Variants in SMC3 observed in about 807,000 individuals in gnomAD.
SMC3 encodes the protein structural maintenance of chromosomes 3.
Under a neutral mutation model 171.8 loss-of-function variants are expected in SMC3, and 20 were observed. The observed-to-expected ratio is 0.12, with a 90% CI of 0.08 to 0.17. SMC3 has a LOEUF of 0.17. Ranked by LOEUF, SMC3 falls within the 10% of genes least tolerant of loss-of-function variation. SMC3 has a pLI of 1.00. For synonymous variants in SMC3, 464 were observed against 451.1 expected (o/e 1.03, Z -0.36); for missense variants, 543 against 1,420.4 (o/e 0.38, Z 9.93).
At chr10:110,592,966 T>C (rs1861232296) in intron 17 of SMC3, 107 bp from the exon 18 acceptor site, 5 of 945,226 alleles carry the variant, frequency 5.3e-6, no homozygotes, top group African/African-American at 3.2e-5. Context: ...TTTTGAAATA[T>C]AATGGTGTTT....
chr10:110,588,944 AT>A (rs1861165396), intron 13 of SMC3, among the ~76,000 whole-genome samples: 2 of 151,884 alleles, frequency 1.3e-5, no homozygotes, highest in Non-Finnish European at 1.5e-5. Context: ...AGAACTTAGA[AT>A]TTTTTTTCTA....
Position 110,584,380 on chromosome 10 carries a change from A to G in SMC3, c.1289A>G (p.Asn430Ser), listed in dbSNP as rs991103223. The change falls in exon 13 of 29, where the codon AAT becomes AGT. Residue 430 changes from asparagine (N) to serine (S), a missense_variant. Coordinates refer to ENST00000361804, the MANE Select transcript of SMC3 (RefSeq NM_005445.4). ...LEDTEANKEK[N>S]LEQYNKLDQD... ...GACACTGAAGCAAATAAAGAGAAAA[A>G]TCTGGAGCAGTATAATGTAAGAACT... is the stretch of plus-strand genomic sequence containing the variant. 3 of 1,612,272 alleles carry G rather than the reference A, an allele frequency of 1.9e-6. No individual in the cohort carries two copies. The highest frequency in any genetic ancestry group is 2.5e-6 in the Non-Finnish European group (3 of 1,178,884).
chr10:110,571,345 A>G (rs1860868786), intron 2 of SMC3, among the ~76,000 whole-genome samples: 1 of 152,220 alleles, frequency 6.6e-6, no homozygotes, highest in Non-Finnish European at 1.5e-5. Context: ...TCTAAAGAAG[A>G]GACAGGTGGT....
intron 20 of SMC3, 83 bp from the exon 21 acceptor site, chr10:110,599,567 CTCAA>C (rs1387715165): frequency 3.4e-5 from 41 of 1,193,336 alleles, no homozygotes; most frequent in African/African-American, 7.7e-5. Context: ...ATATATTTAG[CTCAA>C]TCAAATATAG....
chr10:110,572,734 C>T (rs777748440), intron 2 of SMC3, among the ~76,000 whole-genome samples: 15 of 152,118 alleles, frequency 9.9e-5, no homozygotes, highest in Non-Finnish European at 1.8e-4. Context: ...CTGTTGATGA[C>T]CCTTGCCTTT....
At chr10:110,600,745 T>C (rs1861373482) in intron 22 of SMC3, among the ~76,000 whole-genome samples, 199 bp downstream of exon 22, 1 of 152,170 alleles carries the variant, frequency 6.6e-6, no homozygotes, top group Admixed American at 6.5e-5. Context: ...CAGTTTCTTG[T>C]GTGAATTAAG....
Position 110,583,846 on chromosome 10 carries a change from T to G in SMC3, c.975T>G (p.Arg325=). Residue 325 remains arginine (R), a synonymous_variant, in exon 12 of 29, where the codon CGT becomes CGG. Transcript: ENST00000361804. ...ELAGNSEQRK[R]LLKERQKLLE... is the part of the protein sequence containing the mutation. ...CATTTTTACTTTGTTTACAGAAACG[T>G]TTATTAAAAGAGAGGCAGAAGCTGC... is the stretch of plus-strand genomic sequence containing the variant. The G allele has an allele frequency of 6.2e-7, 1 of 1,612,694 alleles. No homozygotes were observed. Among genetic ancestry groups the G allele is most frequent in the East Asian group, 2.2e-5 (1 of 44,814 alleles).
Position 110,600,559 on chromosome 10 carries a change from T to G in SMC3, c.2535+13T>G, listed in dbSNP as rs750556973. The G allele has an allele frequency of 1.8e-4, 159 of 881,624 alleles. No homozygotes were observed. The highest frequency in any genetic ancestry group is 2.8e-4 in the Middle Eastern group (1 of 3,526). 54.6% of individuals were successfully genotyped at this position (881,624 alleles called of 1,614,324 possible). On this transcript the variant is annotated intron_variant, in intron 22 of 28. Transcript: ENST00000361804. The stretch of plus-strand genomic sequence containing the variant: ...CCAAGTAGAACAGGTGTGTATGTGT[T>G]TTTTTTTTTTTTTTTAAGGGCTCCT...
chr10:110,577,628 AT>A, intron 5 of SMC3, 136 bp downstream of exon 5: 1 of 729,120 alleles, frequency 1.4e-6, no homozygotes, highest in Non-Finnish European at 2.3e-6. Context: ...TAAAATGACA[AT>A]GAATACTCTG....
chr10:110,586,714 A>C (rs558254139), intron 13 of SMC3, among the ~76,000 whole-genome samples: 2 of 152,158 alleles, frequency 1.3e-5, no homozygotes, highest in East Asian at 3.9e-4. Context: ...CTGGAGTGCA[A>C]TGGTGCGATC....
intron 28 of SMC3, among the ~76,000 whole-genome samples, chr10:110,603,736 C>T (rs1424668274): frequency 1.3e-5 from 2 of 152,132 alleles, no homozygotes; most frequent in Non-Finnish European, 2.9e-5. Flanking sequence ...ATGCATTGAA[C>T]AAACACCACT....
rs943026161 is a variant in SMC3 at position 110,568,625 on chromosome 10, A to C, written c.16-313A>C. ...GTCGGCCTGCTTTTATAGACTTGCT[A>C]TTGTACTGCAGCGTTTAGGGTTCAG... On this transcript the variant is annotated intron_variant, in intron 1 of 28. Coordinates refer to ENST00000361804, the MANE Select transcript of SMC3 (RefSeq NM_005445.4). The C allele has an allele frequency of 2.9e-5, 10 of 344,698 alleles. No homozygotes were observed. In the Admixed American group the frequency reaches 4.1e-4, roughly 14 times the overall value. The allele number at this position is 344,698 out of a possible 1,614,324, so 21.4% of individuals were successfully genotyped here.
intron 18 of SMC3, among the ~76,000 whole-genome samples, chr10:110,594,996 T>TTA (rs1385569385): frequency 6.7e-6 from 1 of 149,038 alleles, no homozygotes; most frequent in East Asian, 1.9e-4. Flanking sequence ...TTCTCTTTAT[T>TTA]TTTTTTTTTT....
intron 22 of SMC3, 104 bp downstream of exon 22, chr10:110,600,650 A>G: frequency 1.4e-6 from 1 of 730,732 alleles, no homozygotes; most frequent in Non-Finnish European, 2.5e-6. Flanking sequence ...GGCTTTGGGG[A>G]CAGAAAGCTT....
In SMC3 at chr10:110,602,631, C is replaced by T. The variant is rs765693201; in HGVS notation, c.3263C>T (p.Pro1088Leu). 6 of 1,614,028 alleles carry T rather than the reference C, an allele frequency of 3.7e-6. No homozygotes were observed. The highest frequency in any genetic ancestry group is 5.1e-6 in the Non-Finnish European group (6 of 1,179,950). ...GGTTCTGGCTCACAAAGCAGTGTCC[C>T]ATCAGTTGACCAGTTTACTGGAGTT... Reference protein sequence around the residue: ...ERGSGSQSSVPSVDQFTGVGI... With the variant: ...ERGSGSQSSVLSVDQFTGVGI... The change falls in exon 26 of 29, where the codon CCA becomes CTA. Residue 1088 changes from proline (P) to leucine (L), a missense_variant. Pro to Leu is a moderately conservative substitution (Grantham distance 98). Around this residue, in one of 8 missense-constraint regions of SMC3, gnomAD observed 34 missense variants for 59.1 expected, o/e 0.58. Coordinates refer to ENST00000361804, the MANE Select transcript of SMC3 (RefSeq NM_005445.4).
At chr10:110,589,217 G>A (rs182566667) in intron 13 of SMC3, among the ~76,000 whole-genome samples, 2 of 151,920 alleles carry the variant, frequency 1.3e-5, no homozygotes, top group Non-Finnish European at 1.5e-5. Context: ...GTGAAACTCC[G>A]TCTCTACTAA....
intron 13 of SMC3, among the ~76,000 whole-genome samples, chr10:110,585,614 T>G (rs6584996): frequency 0.11 from 17,221 of 151,406 alleles, 1,959 homozygotes; most frequent in African/African-American, 0.29. Flanking sequence ...AAAACTTCAT[T>G]TTTTGGTATT....
chr10:110,602,228 C>CA, intron 25 of SMC3, 50 bp downstream of exon 25: 2 of 1,480,360 alleles, frequency 1.4e-6, no homozygotes, highest in Non-Finnish European at 1.9e-6. Flanking sequence ...CAAAAGCTTC[C>CA]AGCTCTTTTC....
At position 110,567,751 on chromosome 10, in the gene SMC3, C is replaced by G; in HGVS notation, c.-66C>G. The G allele has an allele frequency of 4.4e-6, 7 of 1,603,890 alleles. No homozygotes were observed. Among genetic ancestry groups the G allele is most frequent in the South Asian group, 3.3e-5 (3 of 90,816 alleles). On this transcript the variant is annotated 5_prime_UTR_variant, in exon 1 of 29. Coordinates refer to ENST00000361804, the MANE Select transcript of SMC3 (RefSeq NM_005445.4). Reference sequence around the variant, plus strand: ...GGGAGGGGTCGCGTAGGCGCCTCACCTGACCCTGCGGCCGTGCGGTTGCTG... The same window carrying G: ...GGGAGGGGTCGCGTAGGCGCCTCACGTGACCCTGCGGCCGTGCGGTTGCTG...
Sources: allele counts gnomAD v4.1 joint callset (sites outside exome capture counted in the v4.1 genomes callset), GRCh38; gene constraint gnomAD v4.1.1; regional missense constraint gnomAD v4.1.1; transcripts MANE v1.5; gene names NCBI Gene and HGNC (gene_info 2026-07-23, HGNC 2026-07-21).